The following DTNBP1 variants were observed in gnomAD, a reference collection of about 807,000 sequenced individuals.
DTNBP1 encodes dysbindin.
DTNBP1 carries 35 observed loss-of-function variants against 42.8 expected under a neutral mutation model. The observed-to-expected ratio is 0.82, with a 90% CI of 0.63 to 1.09. The LOEUF (loss-of-function observed/expected upper bound fraction) is 1.09, where lower values mean the gene tolerates loss of function less well. DTNBP1 is among the 50% of genes least tolerant of loss of function. The pLI is 0.00. For synonymous variants in DTNBP1, 171 were observed against 162.2 expected (o/e 1.05, Z -0.41); for missense variants, 457 against 424.2 (o/e 1.08, Z -0.68).
intron 5 of DTNBP1, among the ~76,000 whole-genome samples, chr6:15,617,933 G>GGC (rs1004012103): frequency 9.9e-5 from 15 of 152,096 alleles, no homozygotes; most frequent in African/African-American, 3.6e-4. Flanking sequence ...AGACTGAAAA[G>GGC]ACAACCAGCA....
Position 15,627,333 on chromosome 6 carries a change from T to G in DTNBP1, c.355+10A>C, listed in dbSNP as rs368923800. 3.1e-6 allele frequency: 5 copies of G among 1,612,758 alleles called. No homozygotes were observed. In the East Asian group the frequency reaches 8.9e-5, roughly 29 times the overall value. On this transcript the variant is annotated intron_variant, in intron 5 of 9. Transcript: ENST00000344537. ...CTAAAAGTAATGTACAATGAAAACA[T>G]TGGACTTACTCAGATTTGCTGTCAT...
intron 4 of DTNBP1, among the ~76,000 whole-genome samples, chr6:15,636,075 G>C (rs1288313486): frequency 6.6e-6 from 1 of 151,982 alleles, no homozygotes; most frequent in African/African-American, 2.4e-5. Flanking sequence ...GGAAATCTGA[G>C]GGACCTAGGT....
intron 7 of DTNBP1, among the ~76,000 whole-genome samples, chr6:15,540,158 C>A (rs1158301579): frequency 6.6e-6 from 1 of 152,008 alleles, no homozygotes; most frequent in African/African-American, 2.4e-5. Context: ...TTTCAGTACT[C>A]TTAATAAATC....
chr6:15,581,293 C>A (rs1002651407), intron 7 of DTNBP1, among the ~76,000 whole-genome samples: 8 of 150,820 alleles, frequency 5.3e-5, no homozygotes, highest in Non-Finnish European at 1.0e-4. Context: ...AATTCTCCTG[C>A]CTCAGCCTTC....
chr6:15,535,041 C>T (rs898418817), intron 7 of DTNBP1, among the ~76,000 whole-genome samples: 5 of 152,098 alleles, frequency 3.3e-5, no homozygotes, highest in African/African-American at 1.2e-4. Context: ...TCTGTGTTCC[C>T]ACCCAAATCT....
chr6:15,530,683 G>A lies in DTNBP1; in HGVS notation c.667+2557C>T, dbSNP rs550953090. Among the ~76,000 whole-genome samples, 197 of 151,714 alleles carry A rather than the reference G, an allele frequency of 1.3e-3. 1 individual carries two copies. The highest frequency in any genetic ancestry group is 8.5e-4 in the Non-Finnish European group (58 of 67,918). On this transcript the variant is annotated intron_variant, in intron 8 of 9. Transcript: ENST00000344537. ...ATCATCCTCTCGGGGGTGCATCCAC[G>A]GCTCTCCCTACAATGGGAGCTTCCT...
intron 5 of DTNBP1, among the ~76,000 whole-genome samples, chr6:15,618,220 A>AAGAAGGT (rs1157096129): frequency 2.0e-5 from 3 of 152,222 alleles, no homozygotes; most frequent in African/African-American, 7.2e-5. Flanking sequence ...CATCTCTCAA[A>AAGAAGGT]AGAAGGTACA....
At chr6:15,628,302 C>T (rs561872856) in intron 4 of DTNBP1, among the ~76,000 whole-genome samples, 1 of 145,518 alleles carries the variant, frequency 6.9e-6, no homozygotes, top group Non-Finnish European at 1.5e-5. Flanking sequence ...ATAATCTGTA[C>T]GATAAAAAAT....
chr6:15,528,742 G>A (rs1772595886), intron 8 of DTNBP1, among the ~76,000 whole-genome samples: 1 of 152,204 alleles, frequency 6.6e-6, no homozygotes, highest in African/African-American at 2.4e-5. Context: ...ATGAAAGACA[G>A]CCATGTCATT....
At chr6:15,525,246 ACAG>A (rs1772301471) in intron 8 of DTNBP1, among the ~76,000 whole-genome samples, 1 of 152,208 alleles carries the variant, frequency 6.6e-6, no homozygotes, top group Non-Finnish European at 1.5e-5. Context: ...ACCCCATGAA[ACAG>A]CACATGCCTA....
At chr6:15,582,153 G>C (rs1237567330) in intron 7 of DTNBP1, among the ~76,000 whole-genome samples, 7 of 152,180 alleles carry the variant, frequency 4.6e-5, no homozygotes, top group Admixed American at 2.6e-4. Context: ...ATGGGGGAAA[G>C]GGACTGGATA....
intron 1 of DTNBP1, 85 bp from the exon 2 acceptor site, chr6:15,652,225 A>C: frequency 8.9e-7 from 1 of 1,124,610 alleles, no homozygotes; most frequent in Non-Finnish European, 1.3e-6. Context: ...TCTGTCGTCC[A>C]GGCTGGAGTG....
chr6:15,522,866 A>C lies in DTNBP1; in HGVS notation c.*109T>G. The C allele has an allele frequency of 1.0e-5, 16 of 1,574,276 alleles. No individual in the cohort carries two copies. The highest frequency in any genetic ancestry group is 1.3e-5 in the Non-Finnish European group (15 of 1,148,884). On this transcript the variant is annotated 3_prime_UTR_variant, in exon 10 of 10. Coordinates refer to ENST00000344537, the MANE Select transcript of DTNBP1 (RefSeq NM_032122.5). ...TTAAGTTTCTCACACATTATTGGCA[A>C]TTATGTAAAAATCAAGAACCTCTAT...
intron 1 of DTNBP1, among the ~76,000 whole-genome samples, chr6:15,662,453 G>A (rs894932520): frequency 6.6e-6 from 1 of 152,196 alleles, no homozygotes; most frequent in African/African-American, 2.4e-5. Context: ...CCACTGTGCC[G>A]CGGGGGCGGA....
At chr6:15,564,497 T>C (rs973972876) in intron 7 of DTNBP1, among the ~76,000 whole-genome samples, 2 of 152,114 alleles carry the variant, frequency 1.3e-5, no homozygotes, top group African/African-American at 4.8e-5. Flanking sequence ...AGCCTCTGCC[T>C]CCTGGGTCCA....
chr6:15,586,059 T>C (rs1051253538), intron 7 of DTNBP1: 22 of 1,141,442 alleles, frequency 1.9e-5, no homozygotes, highest in Middle Eastern at 3.5e-4. Context: ...CAGCTCAAAA[T>C]GGAGGGGAGG....
chr6:15,549,517 AG>A (rs1381882746), intron 7 of DTNBP1, among the ~76,000 whole-genome samples: 2 of 146,970 alleles, frequency 1.4e-5, no homozygotes, highest in Admixed American at 6.8e-5. Flanking sequence ...AAAAAAAAAA[AG>A]GGAACCGAAA....
chr6:15,555,113 C>T (rs551189595), intron 7 of DTNBP1, among the ~76,000 whole-genome samples: 1 of 151,004 alleles, frequency 6.6e-6, no homozygotes, highest in Non-Finnish European at 1.5e-5. Flanking sequence ...TACTCTGGGT[C>T]CCCTTGGCTA....
At chr6:15,649,622 G>T (rs1760871004) in intron 3 of DTNBP1, among the ~76,000 whole-genome samples, 1 of 152,100 alleles carries the variant, frequency 6.6e-6, no homozygotes, top group African/African-American at 2.4e-5. Flanking sequence ...CTAAGCTTAA[G>T]AATGGTTAAG....
Sources: allele counts gnomAD v4.1 joint callset (sites outside exome capture counted in the v4.1 genomes callset), GRCh38; gene constraint gnomAD v4.1.1; transcripts MANE v1.5; gene names NCBI Gene and HGNC (gene_info 2026-07-23, HGNC 2026-07-21).